BFSP1: variants seen among roughly 807,000 people sequenced by gnomAD.
The protein encoded by BFSP1 is beaded filament structural protein 1.
In BFSP1, 38 loss-of-function variants were observed where a neutral mutation model predicts 43.9. The observed-to-expected ratio is 0.87, with a 90% CI of 0.67 to 1.14. The LOEUF (loss-of-function observed/expected upper bound fraction) is 1.14. Among genes scored for constraint, BFSP1 ranks in the 50% most tolerant of loss-of-function variants. The probability of loss-of-function intolerance (pLI) is 0.00; values close to 1 mark genes in which losing one functional copy is unlikely to be tolerated. For synonymous variants in BFSP1, 352 were observed against 354.8 expected, an observed-to-expected ratio of 0.99 and a Z score of 0.09; for missense variants, 850 against 875.1, an observed-to-expected ratio of 0.97 and a Z score of 0.36.
upstream of BFSP1, among the ~76,000 whole-genome samples, chr20:17,559,134 T>C (rs1169477039): frequency 1.3e-5 from 2 of 152,160 alleles, no homozygotes; most frequent in African/African-American, 4.8e-5. Flanking sequence ...GTTTGATCTC[T>C]TGTGTCAATC....
chr20:17,549,607 G>C (rs2034862044), intron 1 of BFSP1, among the ~76,000 whole-genome samples: 1 of 152,138 alleles, frequency 6.6e-6, no homozygotes, highest in Admixed American at 6.5e-5. Context: ...AGGCCAAGGA[G>C]GGTGAATCAC....
At chr20:17,503,471 C>A (rs1018704915) in intron 5 of BFSP1, among the ~76,000 whole-genome samples, 7 of 152,160 alleles carry the variant, frequency 4.6e-5, no homozygotes, top group Admixed American at 1.3e-4. Flanking sequence ...CAGCCCAGAG[C>A]GGGGGTAGTG....
Position 17,494,360 on chromosome 20 carries a change from C to G in BFSP1, c.1712G>C (p.Arg571Thr). The change falls in exon 8 of 8, where the codon AGA (arginine) becomes ACA (threonine). Residue 571 changes from arginine (R) to threonine (T), a missense_variant. Arg to Thr is a moderately conservative substitution (Grantham distance 71). Transcript: ENST00000377873. Reference protein sequence around the residue: ...EGEERDEESRRPCAMVTPGAE... With the variant: ...EGEERDEESRTPCAMVTPGAE... ...ACCGGGTGTGACCATGGCACAGGGT[C>G]TCCTGGACTCTTCGTCCCGCTCCTC... is the stretch of plus-strand genomic sequence containing the variant. The G allele has an allele frequency of 6.2e-7, 1 of 1,614,180 alleles. No homozygotes were observed. The highest frequency in any genetic ancestry group is 8.5e-7 in the Non-Finnish European group (1 of 1,180,002).
At chr20:17,528,292 C>A (rs186771628) in intron 1 of BFSP1, among the ~76,000 whole-genome samples, 1 of 152,344 alleles carries the variant, frequency 6.6e-6, no homozygotes, top group Non-Finnish European at 1.5e-5. Flanking sequence ...GGAACTGCTT[C>A]ATGATGGGCA....
chr20:17,511,430 C>A (rs368974790), intron 4 of BFSP1, among the ~76,000 whole-genome samples: 1 of 152,126 alleles, frequency 6.6e-6, no homozygotes, highest in Admixed American at 6.5e-5. Flanking sequence ...AATAAGGAAA[C>A]AAACCAATTT....
intron 1 of BFSP1, among the ~76,000 whole-genome samples, chr20:17,553,812 C>CATAT (rs1190143896): frequency 0.061 from 6,221 of 101,844 alleles, 288 homozygotes; most frequent in Non-Finnish European, 0.072. Context: ...CACACACACA[C>CATAT]ACACACACAC....
intron 1 of BFSP1, among the ~76,000 whole-genome samples, chr20:17,544,702 C>T (rs1244552516): frequency 2.0e-5 from 3 of 152,120 alleles, no homozygotes; most frequent in Admixed American, 6.5e-5. Flanking sequence ...AACCTCTTAC[C>T]ACCTCCTGAA....
At chr20:17,555,459 C>A (rs564511337) in intron 1 of BFSP1, among the ~76,000 whole-genome samples, 1 of 151,488 alleles carries the variant, frequency 6.6e-6, no homozygotes, top group Non-Finnish European at 1.5e-5. Context: ...TGGACACCAG[C>A]CTGACCAACA....
chr20:17,523,123 C>T (rs1451460309), intron 2 of BFSP1, among the ~76,000 whole-genome samples: 1 of 152,162 alleles, frequency 6.6e-6, no homozygotes, highest in South Asian at 2.1e-4. Flanking sequence ...TTATGCGATG[C>T]CTTTTCCTTA....
rs747167456 is a variant in BFSP1 at position 17,494,473 on chromosome 20, A to C, written c.1599T>G (p.Asp533Glu). Residue 533 changes from aspartate to glutamate, a missense_variant, in exon 8 of 8, where the codon GAT becomes GAG. By Grantham distance (45) the Asp-to-Glu change is conservative. Coordinates refer to ENST00000377873, the MANE Select transcript of BFSP1 (RefSeq NM_001195.5). ...TAGGCTGCTGGTCAATTGGTTGTCC[A>C]TCTTCTTTCTCCTGCAGACCCACCT... ...NGQVGLQEKE[D>E]GQPIDQQPID... The C allele has an allele frequency of 3.1e-6, 5 of 1,614,158 alleles. No individual in the cohort carries two copies. Among genetic ancestry groups the C allele is most frequent in the Non-Finnish European group, 4.2e-6 (5 of 1,180,026 alleles).
rs534017583 is a variant in BFSP1, at chr20:17,505,855, C to T, written c.735+3034G>A. On this transcript the variant is annotated intron_variant, in intron 5 of 7. Transcript: ENST00000377873. ...TCAGGAGCTCCCGGGCGCACCCAGC[C>T]ACGTCTGGGTTTTCATCAGAGCTAA... is the stretch of plus-strand genomic sequence containing the variant. 1.1e-4 allele frequency among the ~76,000 whole-genome samples: 16 copies of T among 152,316 alleles called. No individual in the cohort carries two copies. The East Asian group carries it at 2.9e-3, about 28-fold the overall frequency.
At chr20:17,522,190 G>A (rs2034332365) in intron 2 of BFSP1, among the ~76,000 whole-genome samples, 1 of 152,134 alleles carries the variant, frequency 6.6e-6, no homozygotes, top group Non-Finnish European at 1.5e-5. Context: ...TTCTTTGGAG[G>A]TAGAGAATGA....
At chr20:17,538,276 A>G (rs1453594472) in intron 1 of BFSP1, among the ~76,000 whole-genome samples, 1 of 152,228 alleles carries the variant, frequency 6.6e-6, no homozygotes, top group South Asian at 2.1e-4. Flanking sequence ...CAAAAAATAA[A>G]TAATAGATAT....
At chr20:17,501,563 G>A (rs1568683048) in intron 5 of BFSP1, among the ~76,000 whole-genome samples, 1 of 146,228 alleles carries the variant, frequency 6.8e-6, no homozygotes, top group African/African-American at 2.6e-5. Flanking sequence ...GGGTGACAGA[G>A]CACCCCAGAC....
At position 17,495,024 on chromosome 20, in the gene BFSP1, T is replaced by A; in HGVS notation, c.1048A>T (p.Thr350Ser). ...GCTGTTATATCCTGCAGAGCTCTGG[T>A]AAGATCTGGAAAAACACACAGGCAG... is the stretch of plus-strand genomic sequence containing the variant. Reference protein sequence around the residue: ...LSTGSGGKDLTRALQDITAAK... With the variant: ...LSTGSGGKDLSRALQDITAAK... The change falls in exon 8 of 8, where the codon ACC becomes TCC. Residue 350 changes from threonine (T) to serine (S), a missense_variant. Physicochemically the swap from Thr to Ser is moderately conservative, Grantham distance 58. Coordinates refer to ENST00000377873, the MANE Select transcript of BFSP1 (RefSeq NM_001195.5). 1 of 1,604,228 alleles carries A rather than the reference T, an allele frequency of 6.2e-7. No individual in the cohort carries two copies. The highest frequency in any genetic ancestry group is 8.5e-7 in the Non-Finnish European group (1 of 1,176,248).
At chr20:17,558,594 C>G (rs2035033592) in intron 1 of BFSP1, 1 of 1,365,570 alleles carries the variant, frequency 7.3e-7, no homozygotes, top group East Asian at 2.5e-5. Flanking sequence ...CTTGCTGTAC[C>G]TTCTACGGGA....
chr20:17,510,991 G>A (rs1219863019), intron 4 of BFSP1, among the ~76,000 whole-genome samples: 4 of 150,302 alleles, frequency 2.7e-5, no homozygotes, highest in African/African-American at 2.5e-5. Context: ...TTGTTTGTTT[G>A]TTTAGAGATG....
chr20:17,524,746 C>T (rs1479512696), intron 2 of BFSP1, 102 bp downstream of exon 2: 30 of 1,317,034 alleles, frequency 2.3e-5, no homozygotes, highest in Non-Finnish European at 2.8e-5. Flanking sequence ...AAGTAGTGAC[C>T]GCCAAAGTAA....
At chr20:17,534,816 C>G (rs978007545), upstream of BFSP1, among the ~76,000 whole-genome samples, 1 of 151,942 alleles carries the variant, frequency 6.6e-6, no homozygotes, top group Non-Finnish European at 1.5e-5. Flanking sequence ...GTCAGGAGTT[C>G]GAGACCAGCC....
Sources: gnomAD v4.1 joint callset for allele counts (sites outside exome capture counted in the v4.1 genomes callset) on GRCh38, gnomAD v4.1.1 for gene constraint, MANE v1.5 for transcripts, NCBI Gene and HGNC (gene_info 2026-07-23, HGNC 2026-07-21) for gene names.